HEATR5A: variants seen among roughly 807,000 people sequenced by gnomAD.
HEATR5A encodes HEAT repeat containing 5A, also known as HEAT repeat-containing protein 5A.
Under a neutral mutation model 218.8 loss-of-function variants are expected in HEATR5A, and 178 were observed. The observed-to-expected ratio is 0.81, with a 90% CI of 0.72 to 0.92. The LOEUF is 0.92. HEATR5A is among the 40% of genes least tolerant of loss of function. HEATR5A has a pLI of 0.00. For synonymous variants in HEATR5A, 864 were observed against 871.6 expected (o/e 0.99, Z 0.15); for missense variants, 2,420 against 2,418.9 (o/e 1.00, Z -0.01).
At chr14:31,370,685 C>T (rs1419360826) in intron 13 of HEATR5A, among the ~76,000 whole-genome samples, 2 of 152,152 alleles carry the variant, frequency 1.3e-5, no homozygotes, top group Non-Finnish European at 2.9e-5. Flanking sequence ...ACCCAGAAGT[C>T]CATTGACAAG....
rs1465679866 is a variant in HEATR5A, at chr14:31,374,933, G to T, written c.1744C>A (p.Leu582Met). Residue 582 changes from leucine (L) to methionine (M), a missense_variant, in exon 12 of 36, where the codon CTG becomes ATG. Coordinates refer to ENST00000543095, the MANE Select transcript of HEATR5A (RefSeq NM_015473.4). ...GGAAAGACACACTTCCACAACAGCA[G>T]AACTCGAGCAAGGTGATGGCTAACA... ...AVVSHHLARV[L>M]LLWKCVFPAS... is the part of the protein sequence containing the mutation. 6.2e-7 allele frequency: 1 copy of T among 1,611,782 alleles called. No individual in the cohort carries two copies. The highest frequency in any genetic ancestry group is 2.2e-5 in the East Asian group (1 of 44,808).
At chr14:31,334,144 T>C (rs552666483) in intron 22 of HEATR5A, among the ~76,000 whole-genome samples, 79 of 65,438 alleles carry the variant, frequency 1.2e-3, no homozygotes, top group African/African-American at 2.6e-3. Context: ...TAAGACTTAC[T>C]GCTCAGAAAA....
At chr14:31,349,259 A>G (rs1222396162) in intron 18 of HEATR5A, among the ~76,000 whole-genome samples, 1 of 152,104 alleles carries the variant, frequency 6.6e-6, no homozygotes, top group African/African-American at 2.4e-5. Context: ...GTGGTGGCAC[A>G]TGCCTGTAAT....
rs1295626290 is a variant in HEATR5A, at chr14:31,383,563, T to G, written c.1554A>C (p.Ala518=). 6.2e-7 allele frequency: 1 copy of G among 1,613,968 alleles called. No individual in the cohort carries two copies. Residue 518 remains alanine, a synonymous_variant, in exon 10 of 36, where the codon GCA becomes GCC. Transcript: ENST00000543095. ...FSFAVAALLG[A]VKHCPLGIPH... is the part of the protein sequence containing the mutation. Reference sequence around the variant, plus strand: ...GAATTCCTAAAGGACAATGTTTTACTGCTCCCAACAAAGCTGCTACAGCAA... The same window carrying G: ...GAATTCCTAAAGGACAATGTTTTACGGCTCCCAACAAAGCTGCTACAGCAA...
chr14:31,346,953 G>T (rs900187187), intron 19 of HEATR5A, among the ~76,000 whole-genome samples: 2 of 152,116 alleles, frequency 1.3e-5, no homozygotes, highest in Admixed American at 1.3e-4. Flanking sequence ...ACAACGATAT[G>T]GTAAAGTGGT....
chr14:31,405,003 C>T (rs1459853958), intron 1 of HEATR5A, among the ~76,000 whole-genome samples: 1 of 139,534 alleles, frequency 7.2e-6, no homozygotes, highest in African/African-American at 2.7e-5. Flanking sequence ...GGCAGAAGAA[C>T]TGCTGAGGCC....
In HEATR5A at chr14:31,306,687, G is replaced by T. The variant is rs541111934; in HGVS notation, c.4966+45C>A. Reference sequence around the variant, plus strand: ...ATACATTAAATAATACTTTACAAAAGAATGATGCTATTTGATCAACTCGGC... The same window carrying T: ...ATACATTAAATAATACTTTACAAAATAATGATGCTATTTGATCAACTCGGC... On this transcript the variant is annotated intron_variant, in intron 31 of 35. Coordinates refer to ENST00000543095, the MANE Select transcript of HEATR5A (RefSeq NM_015473.4). 7 of 1,548,392 alleles carry T rather than the reference G, an allele frequency of 4.5e-6. No individual in the cohort carries two copies. The South Asian group carries it at 7.2e-5, about 16-fold the overall frequency.
At chr14:31,403,879 C>G (rs2030965507) in intron 1 of HEATR5A, among the ~76,000 whole-genome samples, 1 of 152,094 alleles carries the variant, frequency 6.6e-6, no homozygotes, top group African/African-American at 2.4e-5. Context: ...CATTAACATA[C>G]AAATTTATAA....
intron 9 of HEATR5A, among the ~76,000 whole-genome samples, chr14:31,385,887 C>T (rs1279265217): frequency 2.6e-5 from 4 of 151,976 alleles, no homozygotes; most frequent in Admixed American, 1.3e-4. Flanking sequence ...GCCACCATGA[C>T]GGGCTAATTT....
intron 16 of HEATR5A, among the ~76,000 whole-genome samples, chr14:31,355,203 CA>C (rs1566765824): frequency 4.0e-4 from 61 of 151,800 alleles, no homozygotes; most frequent in Non-Finnish European, 7.7e-4. Flanking sequence ...CACCTGAGGT[CA>C]GGAGTTCAAG....
In HEATR5A at chr14:31,340,352, A is replaced by C. The variant is rs1381286273; in HGVS notation, c.3229-2738T>G. The C allele has an allele frequency of 9.7e-6, 5 of 514,624 alleles. No individual in the cohort carries two copies. In the African/African-American group the frequency reaches 1.6e-4, roughly 16 times the overall value. 31.9% of individuals were successfully genotyped at this position (514,624 alleles called of 1,614,324 possible). On this transcript the variant is annotated intron_variant, in intron 21 of 35. Transcript: ENST00000543095. ...GCATTAATGGTTCGCTTAAAAAAAG[A>C]GATGCAGAGGAAACAAACATCTACA...
chr14:31,360,493 C>T (rs371460047), intron 14 of HEATR5A, among the ~76,000 whole-genome samples: 3 of 152,236 alleles, frequency 2.0e-5, no homozygotes, highest in South Asian at 2.1e-4. Flanking sequence ...CTAACATATA[C>T]ACTTTGAAAA....
At chr14:31,344,496 T>C (rs1332320682) in intron 20 of HEATR5A, among the ~76,000 whole-genome samples, 1 of 37,012 alleles carries the variant, frequency 2.7e-5, no homozygotes, top group African/African-American at 5.5e-5. Flanking sequence ...GCCAGGCTGG[T>C]CTCGAACTCC....
chr14:31,367,959 G>A (rs1428056533), intron 13 of HEATR5A, among the ~76,000 whole-genome samples: 1 of 152,036 alleles, frequency 6.6e-6, no homozygotes. Flanking sequence ...TAACGTATGG[G>A]ACAGTTTGTT....
rs895898680 is a variant in HEATR5A at position 31,292,324 on chromosome 14, C to A, written c.*981G>T. ...AAGAACAGAGGTAAACAGAAAAATCCATTTGAAAAATAGTGGAAATGGCTT... is the reference window on the plus strand; with the variant it reads ...AAGAACAGAGGTAAACAGAAAAATCAATTTGAAAAATAGTGGAAATGGCTT... On this transcript the variant is annotated 3_prime_UTR_variant, in exon 36 of 36. Coordinates refer to ENST00000543095, the MANE Select transcript of HEATR5A (RefSeq NM_015473.4). The A allele has an allele frequency of 2.6e-5, 4 of 152,086 alleles. No individual in the cohort carries two copies. The highest frequency in any genetic ancestry group is 9.7e-5 in the African/African-American group (4 of 41,394). 9.4% of individuals were successfully genotyped at this position (152,086 alleles called of 1,614,324 possible).
chr14:31,350,601 AT>A lies in HEATR5A; in HGVS notation c.2517+10del. 1 of 1,447,780 alleles carries A rather than the reference AT, an allele frequency of 6.9e-7. No individual in the cohort carries two copies. The highest frequency in any genetic ancestry group is 9.4e-7 in the Non-Finnish European group (1 of 1,059,712). The allele number at this position is 1,447,780 out of a possible 1,614,324, so 89.7% of individuals were successfully genotyped here. A position where few individuals can be genotyped will look rare whatever the true frequency, so the allele number is the denominator to read the frequency against. ...TGAAGCCAACATTTAAATGAAAAAA[AT>A]AATAATTACCTTCAAGAAACTAGAA... is the stretch of plus-strand genomic sequence containing the variant. On this transcript the variant is annotated intron_variant, in intron 17 of 35. Coordinates refer to ENST00000543095, the MANE Select transcript of HEATR5A (RefSeq NM_015473.4).
intron 1 of HEATR5A, among the ~76,000 whole-genome samples, chr14:31,415,603 C>A (rs1384242373): frequency 6.6e-6 from 1 of 152,110 alleles, no homozygotes. Context: ...GGATTTTGTA[C>A]GTGTATATCT....
At chr14:31,374,691 A>C (rs1902163880) in intron 12 of HEATR5A, 125 bp downstream of exon 12, 4 of 767,982 alleles carry the variant, frequency 5.2e-6, no homozygotes, top group Middle Eastern at 5.2e-4. Context: ...GTTCAGTTAC[A>C]AAAAAAAATC....
intron 13 of HEATR5A, among the ~76,000 whole-genome samples, chr14:31,366,013 G>T (rs1291575465): frequency 1.3e-5 from 2 of 152,176 alleles, no homozygotes; most frequent in African/African-American, 4.8e-5. Flanking sequence ...GTCTCTAGAA[G>T]AAAGGAGAGT....
Sources: gnomAD v4.1 joint callset for allele counts (sites outside exome capture counted in the v4.1 genomes callset) on GRCh38, gnomAD v4.1.1 for gene constraint, MANE v1.5 for transcripts, NCBI Gene and HGNC (gene_info 2026-07-23, HGNC 2026-07-21) for gene names.